Variants in WDR7 observed in about 807,000 individuals in gnomAD.
The protein encoded by WDR7 is WD repeat domain 7.
A neutral mutation model predicts 169.4 loss-of-function variants in WDR7; 46 were observed. The ratio of observed to expected loss-of-function variants is 0.27; its 90% confidence interval spans 0.21 to 0.35. WDR7 has a LOEUF of 0.35. WDR7 is among the 10% of genes least tolerant of loss of function. The pLI is 1.00. For missense variants in WDR7, 1,534 were observed against 1,859.3 expected (o/e 0.83, Z 3.22); for synonymous variants, 612 against 666.8 (o/e 0.92, Z 1.27).
chr18:56,728,374 T>C (rs2026506229), intron 13 of WDR7, among the ~76,000 whole-genome samples: 1 of 152,234 alleles, frequency 6.6e-6, no homozygotes, highest in African/African-American at 2.4e-5. Flanking sequence ...CCTAAACTCT[T>C]ATGTGATGTC....
intron 26 of WDR7, among the ~76,000 whole-genome samples, chr18:57,011,797 T>C (rs7229447): frequency 0.78 from 119,343 of 152,216 alleles, 48,103 homozygotes; most frequent in East Asian, 0.88. Flanking sequence ...AAAAGCTGAG[T>C]TCTTTTCAAT....
intron 12 of WDR7, among the ~76,000 whole-genome samples, chr18:56,710,350 T>A (rs2026060230): frequency 6.6e-6 from 1 of 152,194 alleles, no homozygotes; most frequent in Non-Finnish European, 1.5e-5. Flanking sequence ...AAAATCCATT[T>A]TATTATATCC....
At chr18:56,819,812 A>T (rs898597195) in intron 20 of WDR7, among the ~76,000 whole-genome samples, 1 of 152,160 alleles carries the variant, frequency 6.6e-6, no homozygotes, top group African/African-American at 2.4e-5. Context: ...CTAGATTATA[A>T]TTTGAGTCAC....
chr18:56,715,440 G>A (rs2026170518), intron 12 of WDR7, among the ~76,000 whole-genome samples: 1 of 152,170 alleles, frequency 6.6e-6, no homozygotes, highest in African/African-American at 2.4e-5. Flanking sequence ...TCGACGTGGG[G>A]ACTAGCAAAT....
At chr18:56,686,103 G>A in intron 6 of WDR7, 71 bp downstream of exon 6, 1 of 1,272,176 alleles carries the variant, frequency 7.9e-7, no homozygotes, top group Non-Finnish European at 1.1e-6. Context: ...GTAATGATAT[G>A]CCCCTTCCAT....
At chr18:56,918,639 T>A (rs1236457295) in intron 21 of WDR7, among the ~76,000 whole-genome samples, 1 of 152,162 alleles carries the variant, frequency 6.6e-6, no homozygotes, top group African/African-American at 2.4e-5. Context: ...CTCCTTTACA[T>A]TGAATAAATA....
In WDR7 at chr18:56,749,310, A is replaced by AC. The variant is rs80083023; in HGVS notation, c.1990-7272dup. Among the ~76,000 whole-genome samples, 588 of 152,120 alleles carry AC rather than the reference A, an allele frequency of 3.9e-3. 7 individuals are homozygous for AC. The highest frequency in any genetic ancestry group is 6.4e-3 in the East Asian group (33 of 5,190). Reference sequence around the variant, plus strand: ...GCTACATAATTTTGTAAAACAGCATACTAACATTTGTCAAGTGTTTTTTGT... The same window carrying AC: ...GCTACATAATTTTGTAAAACAGCATACCTAACATTTGTCAAGTGTTTTTTGT... On this transcript the variant is annotated intron_variant, in intron 14 of 27. Coordinates refer to ENST00000254442, the MANE Select transcript of WDR7 (RefSeq NM_015285.3).
At chr18:56,757,501 C>T (rs1368886377) in intron 15 of WDR7, 149 bp downstream of exon 15, 1 of 764,510 alleles carries the variant, frequency 1.3e-6, no homozygotes, top group Non-Finnish European at 1.9e-6. Flanking sequence ...TTTAAAACAC[C>T]AGTTTCAAAA....
intron 20 of WDR7, among the ~76,000 whole-genome samples, chr18:56,859,298 T>A (rs1033258495): frequency 4.6e-5 from 7 of 152,222 alleles, no homozygotes; most frequent in Non-Finnish European, 1.0e-4. Context: ...TTATTACACC[T>A]TAGTATACCT....
At chr18:56,951,289 T>A (rs926004965) in intron 25 of WDR7, among the ~76,000 whole-genome samples, 2 of 152,138 alleles carry the variant, frequency 1.3e-5, no homozygotes, top group African/African-American at 4.8e-5. Context: ...CCAGCAACCT[T>A]AACTGTTGAA....
At chr18:56,924,516 A>G (rs559590175) in intron 22 of WDR7, among the ~76,000 whole-genome samples, 1 of 152,342 alleles carries the variant, frequency 6.6e-6, no homozygotes, top group South Asian at 2.1e-4. Context: ...TTTTAAATCA[A>G]CTACGTTGAG....
intron 20 of WDR7, among the ~76,000 whole-genome samples, chr18:56,864,083 C>T (rs1002939744): frequency 6.6e-6 from 1 of 151,570 alleles, no homozygotes; most frequent in Non-Finnish European, 1.5e-5. Context: ...TAATATTTTA[C>T]TTGCTCATAT....
downstream of WDR7, chr18:57,032,798 A>ATTTTATTT: frequency 1.1e-5 from 1 of 88,934 alleles, no homozygotes; most frequent in Middle Eastern, 5.6e-3. Context: ...TTGTATAATT[A>ATTTTATTT]TTTTATATAT....
At chr18:56,813,003 G>T (rs1170436781) in intron 19 of WDR7, among the ~76,000 whole-genome samples, 1 of 145,006 alleles carries the variant, frequency 6.9e-6, no homozygotes, top group Admixed American at 6.9e-5. Flanking sequence ...ACACAGGAAG[G>T]GGAATATCAC....
intron 20 of WDR7, among the ~76,000 whole-genome samples, chr18:56,825,652 C>A (rs1014159895): frequency 6.6e-6 from 1 of 152,076 alleles, no homozygotes; most frequent in East Asian, 1.9e-4. Flanking sequence ...CATTTATAAA[C>A]CTTACAAGAG....
intron 12 of WDR7, among the ~76,000 whole-genome samples, chr18:56,702,391 G>A (rs958776739): frequency 6.6e-6 from 1 of 152,078 alleles, no homozygotes; most frequent in Non-Finnish European, 1.5e-5. Flanking sequence ...AATACTGAGG[G>A]AATAAAATTA....
chr18:56,691,907 T>A (rs2025579993), intron 9 of WDR7, 90 bp downstream of exon 9: 2 of 968,444 alleles, frequency 2.1e-6, no homozygotes, highest in African/African-American at 3.3e-5. Context: ...GTTTAAAAAA[T>A]TTGATACAAT....
intron 26 of WDR7, among the ~76,000 whole-genome samples, chr18:56,978,009 A>C (rs941821970): frequency 6.6e-6 from 1 of 152,246 alleles, no homozygotes; most frequent in Non-Finnish European, 1.5e-5. Context: ...AGACACGTAT[A>C]TAAGCCTCTG....
At chr18:56,816,988 T>A (rs775277090) in intron 20 of WDR7, among the ~76,000 whole-genome samples, 1 of 152,104 alleles carries the variant, frequency 6.6e-6, no homozygotes, top group African/African-American at 2.4e-5. Flanking sequence ...AAATATTAAT[T>A]TAATAGTAAT....
Sources: allele counts gnomAD v4.1 joint callset (sites outside exome capture counted in the v4.1 genomes callset), GRCh38; gene constraint gnomAD v4.1.1; transcripts MANE v1.5; gene names NCBI Gene and HGNC (gene_info 2026-07-23, HGNC 2026-07-21).